Variants in PTK2 observed in about 807,000 individuals in gnomAD.
PTK2 encodes the protein protein tyrosine kinase 2.
A neutral mutation model predicts 150.1 loss-of-function variants in PTK2; 45 were observed. The observed-to-expected ratio is 0.30, with a 90% CI of 0.24 to 0.38. The LOEUF (loss-of-function observed/expected upper bound fraction) is 0.38, where lower values mean the gene tolerates loss of function less well. Ranked by LOEUF, PTK2 falls within the 10% of genes least tolerant of loss-of-function variation. The pLI is 1.00. For missense variants in PTK2, 919 were observed against 1,307.3 expected (o/e 0.70, Z 4.58); for synonymous variants, 432 against 449.2 (o/e 0.96, Z 0.48).
At chr8:140,730,498 T>C (rs1052466475) in intron 22 of PTK2, among the ~76,000 whole-genome samples, 3 of 152,152 alleles carry the variant, frequency 2.0e-5, no homozygotes, top group African/African-American at 7.2e-5. Flanking sequence ...AGGTTACCCT[T>C]GGAGGGTGAA....
chr8:140,915,033 C>CAAAAAAAAA (rs10661609), intron 2 of PTK2, among the ~76,000 whole-genome samples: 7 of 53,078 alleles, frequency 1.3e-4, no homozygotes, highest in Admixed American at 2.5e-4. Context: ...AACTCCAACT[C>CAAAAAAAAA]AAAAAAAAAA....
Position 140,697,454 on chromosome 8 carries a change from G to GTT in PTK2, c.2499+3435_2499+3436dup, listed in dbSNP as rs1157625458. On this transcript the variant is annotated intron_variant, in intron 26 of 31. Transcript: ENST00000522684. The stretch of plus-strand genomic sequence containing the variant: ...TGTGTGTGTGTGTGTGTGTGTGTGT[G>GTT]TTTTTAAACGGAGTCTTGCTCTGTT... Among the ~76,000 whole-genome samples the GTT allele has an allele frequency of 6.0e-5, 8 of 134,370 alleles. No individual in the cohort carries two copies. The East Asian group carries it at 1.6e-3, about 28-fold the overall frequency. 88.2% of individuals were successfully genotyped at this position (134,370 alleles called of 152,430 possible).
rs112162314 is a variant in PTK2, at chr8:140,902,785, G to A, written c.-32-12016C>T. ...TGAGAAGTGTCTGTTCATATCCTTC[G>A]CCCACTTTTTGGTGGGGTTGTTTTT... is the stretch of plus-strand genomic sequence containing the variant. On this transcript the variant is annotated intron_variant, in intron 2 of 31. Coordinates refer to ENST00000522684, the Ensembl canonical transcript of PTK2. Among the ~76,000 whole-genome samples the A allele has an allele frequency of 9.7e-3, 1,474 of 151,870 alleles. 27 individuals are homozygous for A. The highest frequency in any genetic ancestry group is 0.094 in the East Asian group (485 of 5,174).
intron 10 of PTK2, among the ~76,000 whole-genome samples, chr8:140,813,141 C>T (rs1206382841): frequency 6.6e-6 from 1 of 152,104 alleles, no homozygotes; most frequent in Admixed American, 6.5e-5. Context: ...CACAAAACAC[C>T]GTTTAGCAAA....
chr8:140,920,960 C>T (rs2154608273), intron 2 of PTK2: 2 of 1,409,722 alleles, frequency 1.4e-6, no homozygotes, highest in South Asian at 1.5e-5. Context: ...ACACAAAGTC[C>T]CAGTTCCTCG....
rs1555356000 is a variant in PTK2, at chr8:140,902,921, G to GTTGTTTTTTGTTTT, written c.-32-12153_-32-12152insAAAACAAAAAACAA. 3.6e-4 allele frequency among the ~76,000 whole-genome samples: 24 copies of GTTGTTTTTTGTTTT among 66,824 alleles called. 1 individual carries two copies. The highest frequency in any genetic ancestry group is 6.2e-4 in the South Asian group (1 of 1,612). The allele number at this position is 66,824 out of a possible 152,430, so 43.8% of individuals were successfully genotyped here. A position where few individuals can be genotyped will look rare whatever the true frequency, so the allele number is the denominator to read the frequency against. ...AGGTTGCCTGTTCACTCTGATGAGAGTTGTTTTTTTTTTTTTTTTTTTTTT... is the reference window on the plus strand; with the variant it reads ...AGGTTGCCTGTTCACTCTGATGAGAGTTGTTTTTTGTTTTTTGTTTTTTTTTTTTTTTTTTTTTT... On this transcript the variant is annotated intron_variant, in intron 2 of 31. Transcript: ENST00000522684.
intron 7 of PTK2, among the ~76,000 whole-genome samples, chr8:140,843,394 A>G (rs1236945814): frequency 6.6e-6 from 1 of 152,024 alleles, no homozygotes; most frequent in African/African-American, 2.4e-5. Context: ...TCCTTTGTAT[A>G]CCTCTGGTTC....
intron 20 of PTK2, among the ~76,000 whole-genome samples, chr8:140,742,877 C>CT (rs2100056544): frequency 6.6e-6 from 1 of 152,170 alleles, no homozygotes; most frequent in South Asian, 2.1e-4. Flanking sequence ...AGTTTATCAA[C>CT]TTTTTCCTTT....
chr8:140,673,221 C>A (rs1456017792), intron 29 of PTK2, among the ~76,000 whole-genome samples: 1 of 151,988 alleles, frequency 6.6e-6, no homozygotes, highest in Non-Finnish European at 1.5e-5. Flanking sequence ...GATTCTCCTG[C>A]CTCAGCCACC....
intron 24 of PTK2, among the ~76,000 whole-genome samples, 184 bp downstream of exon 27, chr8:140,705,935 A>C (rs2100033481): frequency 6.6e-6 from 1 of 152,238 alleles, no homozygotes; most frequent in Non-Finnish European, 1.5e-5. Context: ...GTGAAAAACA[A>C]ACGCCTTCTG....
intron 22 of PTK2, chr8:140,732,438 T>G (rs1207085186): frequency 2.3e-6 from 1 of 427,426 alleles, no homozygotes; most frequent in African/African-American, 2.2e-5. Context: ...GGAGATAATT[T>G]ACCTCAGTGG....
At chr8:140,874,709 A>AT (rs1292905150) in intron 4 of PTK2, among the ~76,000 whole-genome samples, 2 of 152,170 alleles carry the variant, frequency 1.3e-5, no homozygotes, top group Admixed American at 1.3e-4. Context: ...ATAGAAATTA[A>AT]TTTTGATGAA....
chr8:140,935,556 G>A (rs928342888), intron 1 of PTK2, among the ~76,000 whole-genome samples: 5 of 152,132 alleles, frequency 3.3e-5, no homozygotes, highest in African/African-American at 9.7e-5. Context: ...AAGGGAAGAC[G>A]GGGAGGGGTT....
chr8:140,716,603 G>C (rs1207399603), intron 23 of PTK2, among the ~76,000 whole-genome samples: 2 of 152,152 alleles, frequency 1.3e-5, no homozygotes, highest in Admixed American at 1.3e-4. Context: ...TACTGTTACA[G>C]AGCTCAAAAT....
intron 2 of PTK2, among the ~76,000 whole-genome samples, chr8:140,894,358 C>T (rs999107748): frequency 1.3e-5 from 2 of 152,162 alleles, no homozygotes; most frequent in African/African-American, 4.8e-5. Flanking sequence ...ATAAGCCACC[C>T]AGTTTATGTA....
chr8:140,907,210 A>G (rs1431281308), intron 2 of PTK2, among the ~76,000 whole-genome samples: 1 of 152,218 alleles, frequency 6.6e-6, no homozygotes, highest in Admixed American at 6.5e-5. Flanking sequence ...CTGTTGAATA[A>G]CCACTCTAGT....
At chr8:140,817,352 C>T (rs1467871174) in intron 10 of PTK2, among the ~76,000 whole-genome samples, 1 of 152,130 alleles carries the variant, frequency 6.6e-6, no homozygotes, top group East Asian at 1.9e-4. Context: ...AAAAGCAGGT[C>T]AGACACGGTT....
intron 19 of PTK2, among the ~76,000 whole-genome samples, chr8:140,743,809 G>A (rs1447452653): frequency 1.2e-4 from 17 of 146,030 alleles, no homozygotes; most frequent in African/African-American, 2.3e-4. Flanking sequence ...ACAGAGTCTC[G>A]CTCTGTTGCC....
At chr8:140,872,554 C>T (rs939182065) in intron 4 of PTK2, among the ~76,000 whole-genome samples, 2 of 152,196 alleles carry the variant, frequency 1.3e-5, no homozygotes, top group Non-Finnish European at 2.9e-5. Context: ...ACTGGGGAAG[C>T]GCTGGGGACA....
Sources: gnomAD v4.1 joint callset for allele counts (sites outside exome capture counted in the v4.1 genomes callset) on GRCh38, gnomAD v4.1.1 for gene constraint, MANE v1.5 for transcripts, NCBI Gene and HGNC (gene_info 2026-07-23, HGNC 2026-07-21) for gene names.